The following C16orf96 variants were observed in gnomAD, a reference collection of about 807,000 sequenced individuals.
The protein encoded by C16orf96 is uncharacterized protein C16orf96.
C16orf96 carries 108 observed loss-of-function variants against 103.6 expected under a neutral mutation model. The observed-to-expected ratio is 1.04, with a 90% CI of 0.89 to 1.22. The LOEUF (loss-of-function observed/expected upper bound fraction) is 1.22. Ranked by LOEUF, C16orf96 falls within the 50% of genes most tolerant of loss-of-function variation. C16orf96 has a pLI of 0.00. For missense variants in C16orf96, 1,586 were observed against 1,464.2 expected (o/e 1.08, Z -1.36); for synonymous variants, 566 against 593.5 (o/e 0.95, Z 0.67).
chr16:4,589,679 A>G (rs1009453991), intron 9 of C16orf96, among the ~76,000 whole-genome samples: 12 of 152,170 alleles, frequency 7.9e-5, no homozygotes, highest in Non-Finnish European at 2.9e-5. Context: ...GTTTAATTGA[A>G]CCACATCTAC....
intron 1 of C16orf96, among the ~76,000 whole-genome samples, chr16:4,565,779 A>G (rs2059380388): frequency 6.6e-6 from 1 of 152,168 alleles, no homozygotes; most frequent in South Asian, 2.1e-4. Flanking sequence ...ATCAGCCACC[A>G]CACCCAGCCT....
At chr16:4,578,860 A>T (rs558773839) in intron 5 of C16orf96, 80 bp from the exon 6 acceptor site, 67 of 1,082,396 alleles carry the variant, frequency 6.2e-5, no homozygotes, top group Non-Finnish European at 8.5e-5. Flanking sequence ...GAGATGCTCC[A>T]TAAGAGAAGC....
At chr16:4,545,510 A>G in the C16orf96 span, among the ~76,000 whole-genome samples, 13 of 152,102 alleles carry the variant, frequency 8.5e-5, no homozygotes, top group Admixed American at 2.0e-4. Flanking sequence ...TTTCAGCAAG[A>G]ATTCTGTTAA....
At position 4,593,290 on chromosome 16, in the gene C16orf96, C is replaced by T. The variant is rs765409490; in HGVS notation, c.2841C>T (p.Cys947=). 1.5e-5 allele frequency: 23 copies of T among 1,550,816 alleles called. No individual in the cohort carries two copies. The highest frequency in any genetic ancestry group is 1.7e-5 in the Non-Finnish European group (19 of 1,146,868). ...TGCGGCCAGCCAGCGCCAACAGCTG[C>T]GAGTACTTGCAGCGGCAACAGATGA... is the stretch of plus-strand genomic sequence containing the variant. ...SRLRPASANS[C]EYLQRQQMRE... is the part of the protein sequence containing the mutation. The change falls in exon 12 of 16, where the codon TGC becomes TGT. Residue 947 remains cysteine, a synonymous_variant. Coordinates refer to ENST00000444310, the MANE Select transcript of C16orf96 (RefSeq NM_001145011.2). This position sits in a 1 kb window ranked among gnomAD's most constrained non-coding sequence, Gnocchi z 4.2.
chr16:4,590,777 G>A (rs1319420291), intron 9 of C16orf96, among the ~76,000 whole-genome samples: 1 of 151,190 alleles, frequency 6.6e-6, no homozygotes, highest in Non-Finnish European at 1.5e-5. Context: ...CCAGCACTTT[G>A]GGAGGCTGAG....
rs7201176 is a variant in C16orf96 at position 4,576,880 on chromosome 16, C to T, written c.2155+245C>T. 0.12 allele frequency among the ~76,000 whole-genome samples: 18,630 copies of T among 152,208 alleles called. 2,385 individuals carry two copies. Among genetic ancestry groups the T allele is most frequent in the African/African-American group, 0.33 (13,524 of 41,500 alleles). On this transcript the variant is annotated intron_variant, in intron 5 of 15. Coordinates refer to ENST00000444310, the MANE Select transcript of C16orf96 (RefSeq NM_001145011.2). ...TCTAAAGTTGGCACGAGGAAAATGGCATGCCAAAATTACTCTCAAAAACTC... is the reference window on the plus strand; with the variant it reads ...TCTAAAGTTGGCACGAGGAAAATGGTATGCCAAAATTACTCTCAAAAACTC...
intron 1 of C16orf96, chr16:4,562,906 TC>T (rs1034032259): frequency 1.4e-6 from 2 of 1,421,894 alleles, no homozygotes; most frequent in African/African-American, 2.8e-5. Flanking sequence ...CTTCCTGGTT[TC>T]ATTTCACCTT....
At chr16:4,544,271 C>A in the C16orf96 span, among the ~76,000 whole-genome samples, 1 of 152,276 alleles carries the variant, frequency 6.6e-6, no homozygotes, top group South Asian at 2.1e-4. Flanking sequence ...GAACTGGGTT[C>A]AAGTCTTAGG....
Position 4,600,327 on chromosome 16 carries a change from C to T in C16orf96, c.*10C>T, listed in dbSNP as rs1371783335. ...GCCCGCCAACCCGTGAGCCCCACCCCGCTGCGCCCCCCATCGCCAAGTCCC... is the reference window on the plus strand; with the variant it reads ...GCCCGCCAACCCGTGAGCCCCACCCTGCTGCGCCCCCCATCGCCAAGTCCC... On this transcript the variant is annotated 3_prime_UTR_variant, in exon 16 of 16. Transcript: ENST00000444310. 40 of 1,535,976 alleles carry T rather than the reference C, an allele frequency of 2.6e-5. No homozygotes were observed. The highest frequency in any genetic ancestry group is 2.0e-4 in the East Asian group (8 of 40,828).
In C16orf96 at chr16:4,556,768, C is replaced by A. The variant is rs2059268245; in HGVS notation, c.279C>A (p.Asn93Lys). ...TGAGCCGCCTCGACAAGTTGGAGAA[C>A]CAGCTGGCCCTGCTGCAGGACCTGC... ...HVVSRLDKLE[N>K]QLALLQDLPS... The change falls in exon 1 of 16, where the codon AAC becomes AAA. Residue 93 changes from asparagine to lysine, a missense_variant. Transcript: ENST00000444310. The A allele has an allele frequency of 1.3e-6, 2 of 1,551,712 alleles. No individual in the cohort carries two copies. Among genetic ancestry groups the A allele is most frequent in the Non-Finnish European group, 1.7e-6 (2 of 1,147,006 alleles).
Position 4,571,765 on chromosome 16 carries a change from A to G in C16orf96, c.525+100A>G. ...CTAGGAAGCTTACTGTTAGGCCAAG[A>G]GTGCAGCTGTGAGGGTGTGGTCATG... On this transcript the variant is annotated intron_variant, in intron 2 of 15. Transcript: ENST00000444310. 8 of 1,066,130 alleles carry G rather than the reference A, an allele frequency of 7.5e-6. No homozygotes were observed. In the South Asian group the frequency reaches 1.1e-4, roughly 14 times the overall value. The allele number at this position is 1,066,130 out of a possible 1,614,324, so 66.0% of individuals were successfully genotyped here.
upstream of C16orf96, among the ~76,000 whole-genome samples, chr16:4,555,610 G>A (rs1473856315): frequency 2.6e-5 from 4 of 151,716 alleles, no homozygotes; most frequent in Non-Finnish European, 4.4e-5. Flanking sequence ...TGACCCCGTG[G>A]TCCACCCGCC....
chr16:4,597,706 G>A (rs1306031860), intron 14 of C16orf96, among the ~76,000 whole-genome samples: 1 of 152,038 alleles, frequency 6.6e-6, no homozygotes, highest in Non-Finnish European at 1.5e-5. Context: ...ACAGGCGTGC[G>A]CCACCACGCC....
At chr16:4,553,494 T>C (rs752826451), upstream of C16orf96, among the ~76,000 whole-genome samples, 1 of 151,958 alleles carries the variant, frequency 6.6e-6, no homozygotes, top group African/African-American at 2.4e-5. Context: ...CACACCACCA[T>C]GCCCAGCTAA....
At chr16:4,580,497 A>G (rs1344630790) in intron 7 of C16orf96, among the ~76,000 whole-genome samples, 1 of 152,152 alleles carries the variant, frequency 6.6e-6, no homozygotes, top group Non-Finnish European at 1.5e-5. Context: ...GCCAAGAGGT[A>G]GAAATATTTA....
chr16:4,546,095 AC>A, the C16orf96 span, among the ~76,000 whole-genome samples: 1 of 149,088 alleles, frequency 6.7e-6, no homozygotes, highest in Non-Finnish European at 1.5e-5. Context: ...TGATCCGCCC[AC>A]CCTGGCCTCC....
chr16:4,541,535 C>T, the C16orf96 span, among the ~76,000 whole-genome samples: 3 of 152,346 alleles, frequency 2.0e-5, no homozygotes, highest in African/African-American at 7.2e-5. Context: ...GATTGTGCCA[C>T]TGCACTCCAG....
intron 7 of C16orf96, among the ~76,000 whole-genome samples, chr16:4,581,137 TATAC>T (rs1183680864): frequency 1.2e-4 from 8 of 69,124 alleles, no homozygotes; most frequent in Admixed American, 6.4e-4. Context: ...AATATATATG[TATAC>T]ATATATATAT....
intron 5 of C16orf96, 83 bp downstream of exon 5, chr16:4,576,718 T>G: frequency 7.5e-7 from 1 of 1,325,412 alleles, no homozygotes; most frequent in Non-Finnish European, 1.0e-6. Context: ...TGTCCTTCAC[T>G]GGGCTCCACC....
Sources: allele counts gnomAD v4.1 joint callset (sites outside exome capture counted in the v4.1 genomes callset), GRCh38; gene constraint gnomAD v4.1.1; non-coding constraint Gnocchi (gnomAD v3.1); transcripts MANE v1.5; gene names NCBI Gene and HGNC (gene_info 2026-07-23, HGNC 2026-07-21).